The following NR5A2 variants were observed in gnomAD, a reference collection of about 807,000 sequenced individuals.
The protein encoded by NR5A2 is CYP7A promoter-binding factor.
NR5A2 carries 26 observed loss-of-function variants against 62.7 expected under a neutral mutation model. The ratio of observed to expected loss-of-function variants is 0.41; its 90% CI spans 0.30 to 0.58. NR5A2 has a LOEUF of 0.58. Ranked by LOEUF, NR5A2 falls within the 20% of genes least tolerant of loss-of-function variation. The pLI, the probability that NR5A2 is intolerant of heterozygous loss-of-function variation, is 0.22. For missense variants in NR5A2, 541 were observed against 669.1 expected, an observed-to-expected ratio of 0.81 and a Z score of 2.11; for synonymous variants, 246 against 241.7, an observed-to-expected ratio of 1.02 and a Z score of -0.16.
chr1:200,037,123 A>G (rs1036639794), intron 1 of NR5A2, among the ~76,000 whole-genome samples: 1 of 152,144 alleles, frequency 6.6e-6, no homozygotes, highest in African/African-American at 2.4e-5. Flanking sequence ...AGAAGTCGCT[A>G]GTGTGGCCTA....
At chr1:200,032,156 T>A (rs985265873) in intron 1 of NR5A2, among the ~76,000 whole-genome samples, 6 of 152,192 alleles carry the variant, frequency 3.9e-5, no homozygotes, top group Non-Finnish European at 8.8e-5. Context: ...AACTAGTTCT[T>A]TGAGTTGCAC....
At chr1:200,052,932 A>C (rs12095094) in intron 5 of NR5A2, among the ~76,000 whole-genome samples, 1 of 152,024 alleles carries the variant, frequency 6.6e-6, no homozygotes, top group Non-Finnish European at 1.5e-5. Context: ...GAGCCACCGC[A>C]CCCGGCCTAC....
At chr1:200,166,717 A>T (rs141606685) in intron 7 of NR5A2, among the ~76,000 whole-genome samples, 1 of 152,308 alleles carries the variant, frequency 6.6e-6, no homozygotes, top group East Asian at 1.9e-4. Flanking sequence ...AGGACTTTAG[A>T]GTGAGACAGG....
chr1:200,147,909 G>A lies in NR5A2; in HGVS notation c.1379-26054G>A, dbSNP rs993026177. Reference sequence around the variant, plus strand: ...GGCCGGCGCGCGGGGAGAAGCTGCGGGCTGTGATGTGGTGCAGCGCTTCGC... The same window carrying A: ...GGCCGGCGCGCGGGGAGAAGCTGCGAGCTGTGATGTGGTGCAGCGCTTCGC... On this transcript the variant is annotated intron_variant, in intron 7 of 7. Transcript: ENST00000367362. This position sits in a 1 kb window ranked among gnomAD's most constrained non-coding sequence, Gnocchi z 4.9. 9.7e-5 allele frequency: 39 copies of A among 402,188 alleles called. No individual in the cohort carries two copies. Among genetic ancestry groups the A allele is most frequent in the African/African-American group, 7.9e-4 (38 of 48,048 alleles). 24.9% of individuals were successfully genotyped at this position (402,188 alleles called of 1,614,324 possible).
chr1:200,101,877 G>C (rs1174726827), intron 5 of NR5A2, among the ~76,000 whole-genome samples: 1 of 152,154 alleles, frequency 6.6e-6, no homozygotes, highest in Non-Finnish European at 1.5e-5. Flanking sequence ...GCCAAACTTT[G>C]TCCTTTGGTT....
chr1:200,030,069 GTCTT>G (rs1254717129), intron 1 of NR5A2, among the ~76,000 whole-genome samples: 1 of 152,158 alleles, frequency 6.6e-6, no homozygotes, highest in East Asian at 1.9e-4. Context: ...CCTTGAATGG[GTCTT>G]TCTGATTGCC....
At chr1:200,122,161 G>C (rs1247044212) in intron 7 of NR5A2, among the ~76,000 whole-genome samples, 1 of 152,208 alleles carries the variant, frequency 6.6e-6, no homozygotes, top group East Asian at 1.9e-4. Flanking sequence ...ACTGGATCCT[G>C]TGTGGTTTCT....
intron 7 of NR5A2, among the ~76,000 whole-genome samples, chr1:200,169,244 A>C (rs1013127060): frequency 1.3e-5 from 2 of 152,146 alleles, no homozygotes; most frequent in African/African-American, 4.8e-5. Context: ...TAATATTAGT[A>C]ATTTTTAAAA....
At chr1:200,138,714 AT>A (rs1667328090) in intron 7 of NR5A2, among the ~76,000 whole-genome samples, 1 of 152,080 alleles carries the variant, frequency 6.6e-6, no homozygotes, top group South Asian at 2.1e-4. Context: ...TCTCTTATGT[AT>A]TCAAGATCTG....
At chr1:200,155,556 G>T (rs1348117713) in intron 7 of NR5A2, among the ~76,000 whole-genome samples, 1 of 152,206 alleles carries the variant, frequency 6.6e-6, no homozygotes, top group East Asian at 1.9e-4. Context: ...CCACTGCCAG[G>T]TCGACTACCA....
At chr1:200,132,562 C>CA (rs1475439423) in intron 7 of NR5A2, among the ~76,000 whole-genome samples, 1 of 152,182 alleles carries the variant, frequency 6.6e-6, no homozygotes, top group Non-Finnish European at 1.5e-5. Context: ...AAGCCTTTGT[C>CA]AACCCCCATG....
At chr1:200,154,836 A>C (rs756524734) in intron 7 of NR5A2, among the ~76,000 whole-genome samples, 1 of 152,238 alleles carries the variant, frequency 6.6e-6, no homozygotes, top group African/African-American at 2.4e-5. Context: ...GTTGACTGCT[A>C]TCTACCCACG....
intron 5 of NR5A2, among the ~76,000 whole-genome samples, chr1:200,085,479 C>T (rs1231820405): frequency 6.6e-6 from 1 of 152,100 alleles, no homozygotes; most frequent in Non-Finnish European, 1.5e-5. Flanking sequence ...AATCCCCTTC[C>T]ATTTGCTTCC....
chr1:200,148,433 A>G (rs976224949), intron 7 of NR5A2, among the ~76,000 whole-genome samples: 2 of 152,142 alleles, frequency 1.3e-5, no homozygotes, highest in African/African-American at 4.8e-5. Context: ...AGCAGCTGGG[A>G]GAAGACACCA....
At chr1:200,104,882 C>T (rs1665571200) in intron 5 of NR5A2, among the ~76,000 whole-genome samples, 1 of 152,104 alleles carries the variant, frequency 6.6e-6, no homozygotes, top group Non-Finnish European at 1.5e-5. Context: ...AGGCTGGTCT[C>T]GAATTCCCGA....
At chr1:200,111,462 G>A in intron 6 of NR5A2, 141 bp downstream of exon 6, 2 of 870,884 alleles carry the variant, frequency 2.3e-6, no homozygotes, top group South Asian at 1.9e-5. Context: ...AAGATGACTT[G>A]GTGCACTCTG....
rs768511367 is a variant in NR5A2 at position 200,038,784 on chromosome 1, C to A, written c.65-874C>A. On this transcript the variant is annotated intron_variant, in intron 1 of 7. Transcript: ENST00000367362. ...GCTTCTGACTAGCTGTAAGACCCGG[C>A]TGCATTTACATCCCCCCGCCCCGGG... 3.7e-6 allele frequency: 5 copies of A among 1,334,174 alleles called. No homozygotes were observed. In the Admixed American group the frequency reaches 8.2e-5, roughly 22 times the overall value. 82.6% of individuals were successfully genotyped at this position (1,334,174 alleles called of 1,614,324 possible).
chr1:200,144,221 TCTCTCTCTCTCTCACACACA>T (rs1249803511), intron 7 of NR5A2, among the ~76,000 whole-genome samples: 63 of 39,110 alleles, frequency 1.6e-3, no homozygotes, highest in Middle Eastern at 0.011. Context: ...TGTTTCTCTC[TCTCTCTCTCTCTCACACACA>T]CACACACACA....
chr1:200,128,417 T>C (rs1424599327), intron 7 of NR5A2, among the ~76,000 whole-genome samples: 23 of 152,200 alleles, frequency 1.5e-4, no homozygotes, highest in Admixed American at 1.5e-3. Flanking sequence ...TGGTACCTCT[T>C]TCTTAAAGAC....
Sources: gnomAD v4.1 joint callset for allele counts (sites outside exome capture counted in the v4.1 genomes callset) on GRCh38, gnomAD v4.1.1 for gene constraint, Gnocchi (gnomAD v3.1) non-coding constraint, MANE v1.5 for transcripts, NCBI Gene and HGNC (gene_info 2026-07-23, HGNC 2026-07-21) for gene names.